BCL7C: variants seen among roughly 807,000 people sequenced by gnomAD.
The protein encoded by BCL7C is BAF chromatin remodeling complex subunit BCL7C.
In BCL7C, 8 loss-of-function variants were observed where a neutral mutation model predicts 26.2. That is an observed-to-expected ratio of 0.30 (90% CI 0.18 to 0.55). BCL7C has a LOEUF of 0.55. Ranked by LOEUF, BCL7C falls within the 20% of genes least tolerant of loss-of-function variation. The pLI is 0.93. For missense variants in BCL7C, 262 were observed against 298.5 expected, an observed-to-expected ratio of 0.88 and a Z score of 0.90; for synonymous variants, 90 against 116.5, an observed-to-expected ratio of 0.77 and a Z score of 1.47.
At position 30,880,874 on chromosome 16, in the gene BCL7C, T is replaced by A. The variant is rs959907687; in HGVS notation, c.528+7986A>T. Among the ~76,000 whole-genome samples the A allele has an allele frequency of 3.3e-5, 5 of 151,766 alleles. No homozygotes were observed. The South Asian group carries it at 6.2e-4, about 19-fold the overall frequency. On this transcript the variant is annotated intron_variant, in intron 5 of 5. Coordinates refer to the BCL7C transcript ENST00000380317. ...CCATCATGCCCGGCTAATTTTTTTT[T>A]AAGTTTTTGTAGAGATGAGGTCTCA... is the stretch of plus-strand genomic sequence containing the variant.
At chr16:30,846,908 A>T (rs1024777417) in intron 5 of BCL7C, among the ~76,000 whole-genome samples, 1 of 152,252 alleles carries the variant, frequency 6.6e-6, no homozygotes, top group Non-Finnish European at 1.5e-5. Flanking sequence ...ACTGAAGCAC[A>T]TGCCTTGGGA....
At chr16:30,865,241 T>TA (rs2054815498) in intron 5 of BCL7C, among the ~76,000 whole-genome samples, 1 of 151,002 alleles carries the variant, frequency 6.6e-6, no homozygotes. Flanking sequence ...TTTGTATGCC[T>TA]ATTCCAAACC....
In BCL7C at chr16:30,881,709, C is replaced by T. The variant is rs367945154; in HGVS notation, c.528+7151G>A. On this transcript the variant is annotated intron_variant, in intron 5 of 5. Coordinates refer to the BCL7C transcript ENST00000380317. ...TCCCTCCGCTCCAGTCACACTGGCT[C>T]TCCTTTGCCCTGGCCATTCCCTCTG... Among the ~76,000 whole-genome samples, 84 of 152,276 alleles carry T rather than the reference C, an allele frequency of 5.5e-4. 3 individuals are homozygous for T. In the South Asian group the frequency reaches 0.017, roughly 30 times the overall value.
chr16:30,835,191 C>T, intron 5 of BCL7C: 1 of 1,409,278 alleles, frequency 7.1e-7, no homozygotes, highest in Non-Finnish European at 9.4e-7. Flanking sequence ...TTCCTCTTCT[C>T]CCCACCTCAC....
chr16:30,861,977 C>T (rs1395323337), intron 5 of BCL7C, among the ~76,000 whole-genome samples: 1 of 150,666 alleles, frequency 6.6e-6, no homozygotes, highest in Non-Finnish European at 1.5e-5. Context: ...CATTCTCCTG[C>T]CTCAGCCTCC....
intron 5 of BCL7C, among the ~76,000 whole-genome samples, chr16:30,860,956 G>A (rs969192973): frequency 1.3e-5 from 2 of 151,980 alleles, no homozygotes; most frequent in African/African-American, 4.8e-5. Context: ...ACCCGGTCCG[G>A]CTTACAGTTT....
At chr16:30,861,814 CCTCTTAAAA>C (rs1051422792) in intron 5 of BCL7C, among the ~76,000 whole-genome samples, 51 of 150,414 alleles carry the variant, frequency 3.4e-4, no homozygotes, top group African/African-American at 1.2e-3. Context: ...GGCTTCTAAA[CCTCTTAAAA>C]CTCCCCAATT....
intron 5 of BCL7C, among the ~76,000 whole-genome samples, chr16:30,870,663 C>A (rs190886490): frequency 6.6e-6 from 1 of 151,850 alleles, no homozygotes; most frequent in African/African-American, 2.4e-5. Flanking sequence ...CTTGTCCCCC[C>A]ACCAAAAAAT....
chr16:30,887,781 G>A, downstream of BCL7C: 1 of 1,500,266 alleles, frequency 6.7e-7, no homozygotes, highest in Non-Finnish European at 8.8e-7. Context: ...ACGGGGAAAT[G>A]ACATGACACA....
intron 5 of BCL7C, among the ~76,000 whole-genome samples, chr16:30,857,881 G>A (rs2054736595): frequency 6.7e-6 from 1 of 150,366 alleles, no homozygotes; most frequent in Non-Finnish European, 1.5e-5. Flanking sequence ...TGAGGCAGGA[G>A]AATCACTTGG....
Position 30,893,804 on chromosome 16 carries a change from T to C in BCL7C, c.92+49A>G, listed in dbSNP as rs759109113. 6.4e-6 allele frequency: 10 copies of C among 1,551,980 alleles called. No homozygotes were observed. In the East Asian group the frequency reaches 2.0e-4, roughly 32 times the overall value. On this transcript the variant is annotated intron_variant, in intron 1 of 5. Transcript: ENST00000215115. The surrounding 1 kb of genome is among the most constrained non-coding windows in gnomAD (Gnocchi z 5.2). ...GCGAGGGCAGCGTAGACGCCTTTGGTGCTGGTGGTCCCGCTGTGTCCCGTC... is the reference window on the plus strand; with the variant it reads ...GCGAGGGCAGCGTAGACGCCTTTGGCGCTGGTGGTCCCGCTGTGTCCCGTC...
downstream of BCL7C, among the ~76,000 whole-genome samples, chr16:30,884,910 T>C (rs1488213562): frequency 1.3e-5 from 2 of 152,138 alleles, no homozygotes; most frequent in Non-Finnish European, 2.9e-5. Flanking sequence ...GAACCTGAAT[T>C]CTGAGCTTCA....
intron 5 of BCL7C, among the ~76,000 whole-genome samples, chr16:30,878,939 G>A (rs981117625): frequency 2.0e-5 from 3 of 152,142 alleles, no homozygotes; most frequent in Non-Finnish European, 4.4e-5. Context: ...CAGAGACTAC[G>A]TGCTTTCAGT....
chr16:30,865,394 GAC>G (rs773345078), intron 5 of BCL7C, among the ~76,000 whole-genome samples: 124 of 151,758 alleles, frequency 8.2e-4, no homozygotes, highest in Non-Finnish European at 1.6e-3. Flanking sequence ...GGAAGCGTGT[GAC>G]AGTCTCTACC....
chr16:30,882,973 G>T (rs990613148), downstream of BCL7C, among the ~76,000 whole-genome samples: 2 of 152,228 alleles, frequency 1.3e-5, no homozygotes, highest in African/African-American at 4.8e-5. Flanking sequence ...TGAGGCTGGG[G>T]TCTCTGGGAT....
At chr16:30,839,379 G>A (rs2054588442) in intron 5 of BCL7C, among the ~76,000 whole-genome samples, 1 of 152,288 alleles carries the variant, frequency 6.6e-6, no homozygotes, top group Admixed American at 6.5e-5. Flanking sequence ...TCTAATAGAT[G>A]CTCCCCTCAA....
rs146131274 is a variant in BCL7C at position 30,873,059 on chromosome 16, T to C, written c.528+15801A>G. The stretch of plus-strand genomic sequence containing the variant: ...ACTTAATCTTGTTCTTTAAAAATTA[T>C]CAACTCACGTTTTGATGGAACTAGG... On this transcript the variant is annotated intron_variant, in intron 5 of 5. Transcript: ENST00000380317. 4.8e-3 allele frequency among the ~76,000 whole-genome samples: 715 copies of C among 147,678 alleles called. 5 individuals carry two copies. The highest frequency in any genetic ancestry group is 0.017 in the Middle Eastern group (5 of 292).
intron 5 of BCL7C, among the ~76,000 whole-genome samples, chr16:30,865,150 C>A (rs2054814166): frequency 8.2e-6 from 1 of 122,062 alleles, no homozygotes. Flanking sequence ...CCAGCCTGGG[C>A]AACGGAGCAA....
At position 30,894,015 on chromosome 16, in the gene BCL7C, G is replaced by A. The variant is rs1317037854; in HGVS notation, c.-71C>T. ...CCCGTCCGGCGGGCTCAGGCTCCGC[G>A]CCAGGCCCGGGCGCCGCGCTCTCGG... On this transcript the variant is annotated 5_prime_UTR_variant, in exon 1 of 6. Transcript: ENST00000215115. 8.3e-6 allele frequency: 6 copies of A among 721,464 alleles called. No homozygotes were observed. The highest frequency in any genetic ancestry group is 1.1e-5 in the Non-Finnish European group (6 of 567,190). 44.7% of individuals were successfully genotyped at this position (721,464 alleles called of 1,614,324 possible). A position where few individuals can be genotyped will look rare whatever the true frequency, so the allele number is the denominator to read the frequency against.
Sources: gnomAD v4.1 joint callset for allele counts (sites outside exome capture counted in the v4.1 genomes callset) on GRCh38, gnomAD v4.1.1 for gene constraint, Gnocchi (gnomAD v3.1) non-coding constraint, MANE v1.5 for transcripts, NCBI Gene and HGNC (gene_info 2026-07-23, HGNC 2026-07-21) for gene names.